DENND2A: variants seen among roughly 807,000 people sequenced by gnomAD.
DENND2A encodes the protein DENN domain-containing protein 2A.
A neutral mutation model predicts 105.3 loss-of-function variants in DENND2A; 53 were observed. The ratio of observed to expected loss-of-function variants is 0.50; its 90% CI spans 0.40 to 0.63. DENND2A has a LOEUF of 0.63. DENND2A is among the 30% of genes least tolerant of loss of function. The probability of loss-of-function intolerance (pLI) is 0.00; values close to 1 mark genes in which losing one functional copy is unlikely to be tolerated. For missense variants in DENND2A, 1,138 were observed against 1,279.6 expected (o/e 0.89, Z 1.69); for synonymous variants, 522 against 508.4 (o/e 1.03, Z -0.36).
chr7:140,534,915 G>A (rs970466037), intron 14 of DENND2A, among the ~76,000 whole-genome samples: 18 of 152,204 alleles, frequency 1.2e-4, no homozygotes, highest in Non-Finnish European at 4.4e-5. Context: ...TTGGGCATGG[G>A]TGAGAAGGGT....
At chr7:140,546,777 A>G (rs1585597867) in intron 13 of DENND2A, 22 bp downstream of exon 13, 1 of 1,612,676 alleles carries the variant, frequency 6.2e-7, no homozygotes, top group Non-Finnish European at 8.5e-7. Context: ...CCCAGGGAGA[A>G]GGAAGGAGTC....
chr7:140,523,310 G>T lies in DENND2A; in HGVS notation c.2662C>A (p.His888Asn), dbSNP rs764986251. ...TGGGAGGTGGCTGAACACTTACCGT[G>T]CCTGCCGTCTAGGGGCCCTTCGTCC... ...EQDEGPLDGR[H>N]GPESSPLNEV... The change falls in exon 17 of 20, where the codon CAC becomes AAC. Residue 888 changes from histidine (H) to asparagine (N), a missense_variant. His to Asn is a moderately conservative substitution (Grantham distance 68). Transcript: ENST00000496613. This position sits in a 1 kb window ranked among gnomAD's most constrained non-coding sequence, Gnocchi z 4.5. 3 of 1,613,978 alleles carry T rather than the reference G, an allele frequency of 1.9e-6. No homozygotes were observed. Among genetic ancestry groups the T allele is most frequent in the Non-Finnish European group, 2.5e-6 (3 of 1,179,974 alleles).
Position 140,601,502 on chromosome 7 carries a change from A to G in DENND2A, c.896T>C (p.Leu299Pro), listed in dbSNP as rs1386303435. The change falls in exon 3 of 20, where the codon CTG (leucine) becomes CCG (proline). Residue 299 changes from leucine to proline, a missense_variant. Leu to Pro is a moderately conservative substitution (Grantham distance 98). Coordinates refer to ENST00000496613, the MANE Select transcript of DENND2A (RefSeq NM_015689.5). The stretch of plus-strand genomic sequence containing the variant: ...CAGAGGCGGGGGAGGTAGAGAGGGC[A>G]GAGGAGGCAGATTTCTTTTCTCTTT... ...FRKEKRNLPP[L>P]PSLPPPPLPS... 5.0e-6 allele frequency: 8 copies of G among 1,614,098 alleles called. No homozygotes were observed. Among genetic ancestry groups the G allele is most frequent in the Non-Finnish European group, 6.8e-6 (8 of 1,180,014 alleles).
chr7:140,617,873 T>C (rs975325731), intron 1 of DENND2A, among the ~76,000 whole-genome samples: 2 of 152,252 alleles, frequency 1.3e-5, no homozygotes, highest in African/African-American at 2.4e-5. Flanking sequence ...TAAAGATGCA[T>C]ATCATTCTCA....
intron 1 of DENND2A, among the ~76,000 whole-genome samples, chr7:140,633,006 C>T (rs1385287999): frequency 6.6e-6 from 1 of 151,008 alleles, no homozygotes; most frequent in African/African-American, 2.4e-5. Context: ...GGATTATAGG[C>T]GTGTGCCACC....
At chr7:140,537,743 A>T (rs1028653562) in intron 14 of DENND2A, among the ~76,000 whole-genome samples, 1 of 152,146 alleles carries the variant, frequency 6.6e-6, no homozygotes, top group Non-Finnish European at 1.5e-5. Flanking sequence ...GGCTCAAGCA[A>T]TCCTCCTGCT....
At chr7:140,591,774 C>T (rs922737716) in intron 3 of DENND2A, among the ~76,000 whole-genome samples, 2 of 148,722 alleles carry the variant, frequency 1.3e-5, no homozygotes, top group Admixed American at 6.8e-5. Flanking sequence ...CCTTTTCTTT[C>T]CTTCCTTTCT....
At chr7:140,630,662 C>T (rs555269199) in intron 1 of DENND2A, among the ~76,000 whole-genome samples, 18 of 151,894 alleles carry the variant, frequency 1.2e-4, no homozygotes, top group East Asian at 3.9e-4. Context: ...CTGACCAACA[C>T]GGTGAAAGCC....
At chr7:140,556,312 T>C (rs1448851103) in intron 11 of DENND2A, among the ~76,000 whole-genome samples, 1 of 151,662 alleles carries the variant, frequency 6.6e-6, no homozygotes, top group South Asian at 2.1e-4. Flanking sequence ...CACTGCACCC[T>C]GCCCAATCTC....
At chr7:140,591,645 C>T (rs557320780) in intron 3 of DENND2A, among the ~76,000 whole-genome samples, 2 of 148,320 alleles carry the variant, frequency 1.3e-5, no homozygotes, top group South Asian at 2.1e-4. Flanking sequence ...TATTTTCCCT[C>T]CCTTCCTTCC....
In DENND2A at chr7:140,546,912, C is replaced by G. The variant is rs749481616; in HGVS notation, c.2065G>C (p.Gly689Arg). 18 of 1,613,400 alleles carry G rather than the reference C, an allele frequency of 1.1e-5. No homozygotes were observed. The highest frequency in any genetic ancestry group is 1.4e-5 in the Non-Finnish European group (16 of 1,179,642). Residue 689 changes from glycine (G) to arginine (R), a missense_variant, in exon 13 of 20, where the codon GGC becomes CGC. Gly to Arg is a moderately radical substitution (Grantham distance 125, BLOSUM62 -2). Transcript: ENST00000496613. ...RILDEVEKRR[G>R]ISPALVQPLM... is the part of the protein sequence containing the mutation. The stretch of plus-strand genomic sequence containing the variant: ...GGCTGAACCAGGGCAGGAGAGATGC[C>G]TCGTCTTTTTTCCACCTCATCCAAG...
At chr7:140,526,117 G>C (rs1249753218) in intron 15 of DENND2A, among the ~76,000 whole-genome samples, 1 of 152,168 alleles carries the variant, frequency 6.6e-6, no homozygotes, top group East Asian at 1.9e-4. Context: ...TACTGAGGTA[G>C]GCAAAAGACG....
At chr7:140,558,554 G>A (rs1203781293) in intron 10 of DENND2A, among the ~76,000 whole-genome samples, 1 of 152,132 alleles carries the variant, frequency 6.6e-6, no homozygotes, top group African/African-American at 2.4e-5. Flanking sequence ...AAATTAGCCA[G>A]GCATGGTGGC....
At chr7:140,568,206 C>T (rs1009096573) in intron 8 of DENND2A, among the ~76,000 whole-genome samples, 1 of 152,190 alleles carries the variant, frequency 6.6e-6, no homozygotes, top group South Asian at 2.1e-4. Context: ...TCCTAAAGTG[C>T]TGGGATTACA....
rs1797876268 is a variant in DENND2A at position 140,567,234 on chromosome 7, T to A, written c.1631A>T (p.Lys544Met). ...QRLVNVKSRL[K>M]QAPRYPSLAR... ...AAGTGATGGGTACCGAGGCGCCTGCTTCAGCCGGGACTTCACGTTGACCAG... is the reference window on the plus strand; with the variant it reads ...AAGTGATGGGTACCGAGGCGCCTGCATCAGCCGGGACTTCACGTTGACCAG... Residue 544 changes from lysine (K) to methionine (M), a missense_variant, in exon 9 of 20, where the codon AAG (lysine) becomes ATG (methionine). Coordinates refer to ENST00000496613, the MANE Select transcript of DENND2A (RefSeq NM_015689.5). The A allele has an allele frequency of 6.2e-7, 1 of 1,611,370 alleles. No individual in the cohort carries two copies. The highest frequency in any genetic ancestry group is 1.3e-5 in the African/African-American group (1 of 74,256).
chr7:140,584,716 C>T (rs1477130455), intron 5 of DENND2A, among the ~76,000 whole-genome samples: 1 of 152,200 alleles, frequency 6.6e-6, no homozygotes, highest in Non-Finnish European at 1.5e-5. Context: ...CTCAGTTACT[C>T]ATGCTTGGGT....
intron 16 of DENND2A, 111 bp downstream of exon 16, chr7:140,525,639 TG>T: frequency 1.0e-6 from 1 of 997,808 alleles, no homozygotes; most frequent in Non-Finnish European, 1.4e-6. Flanking sequence ...CACACAGCTC[TG>T]CCACCCTGCT....
chr7:140,602,411 G>A lies in DENND2A; in HGVS notation c.-14C>T, dbSNP rs375635641. On this transcript the variant is annotated 5_prime_UTR_variant, in exon 3 of 20. In the 5' UTR this introduces an upstream ATG that the reference lacks. Coordinates refer to ENST00000496613, the MANE Select transcript of DENND2A (RefSeq NM_015689.5). ...GAACATATCCATTCTTGACTCTAGC[G>A]TGAGGTTGTGGAGGCCTTCCAGGGG... 1.6e-4 allele frequency: 244 copies of A among 1,539,450 alleles called. No homozygotes were observed. The highest frequency in any genetic ancestry group is 2.0e-4 in the Non-Finnish European group (224 of 1,146,552).
intron 3 of DENND2A, 134 bp downstream of exon 3, chr7:140,601,269 A>G: frequency 8.1e-7 from 1 of 1,239,066 alleles, no homozygotes; most frequent in Non-Finnish European, 1.1e-6. Flanking sequence ...ATCTTAAGCT[A>G]TGAACCATCT....
Sources: gnomAD v4.1 joint callset for allele counts (sites outside exome capture counted in the v4.1 genomes callset) on GRCh38, gnomAD v4.1.1 for gene constraint, Gnocchi (gnomAD v3.1) non-coding constraint, MANE v1.5 for transcripts, NCBI Gene and HGNC (gene_info 2026-07-23, HGNC 2026-07-21) for gene names.